PDE2A: variants seen among roughly 807,000 people sequenced by gnomAD.
PDE2A encodes cGMP-dependent 3',5'-cyclic phosphodiesterase.
Under a neutral mutation model 133.6 loss-of-function variants are expected in PDE2A, and 53 were observed. The ratio of observed to expected loss-of-function variants is 0.40; its 90% confidence interval spans 0.32 to 0.50. The LOEUF (loss-of-function observed/expected upper bound fraction) is 0.50. Ranked by LOEUF, PDE2A falls within the 20% of genes least tolerant of loss-of-function variation. The pLI is 0.73. For synonymous variants in PDE2A, 491 were observed against 490.2 expected (o/e 1.00, Z -0.02); for missense variants, 796 against 1,232.4 (o/e 0.65, Z 5.30).
intron 6 of PDE2A, among the ~76,000 whole-genome samples, chr11:72,595,655 C>A (rs1214285250): frequency 6.6e-6 from 1 of 152,136 alleles, no homozygotes; most frequent in Non-Finnish European, 1.5e-5. Flanking sequence ...GGAACCAACA[C>A]CTGCTCATTT....
At chr11:72,623,882 C>A (rs908226576) in intron 2 of PDE2A, among the ~76,000 whole-genome samples, 1 of 152,188 alleles carries the variant, frequency 6.6e-6, no homozygotes, top group East Asian at 1.9e-4. Flanking sequence ...GCTGCAGGAG[C>A]CTCCAGTTGC....
rs747195789 is a variant in PDE2A, at chr11:72,671,144, G to A, written c.71+2993C>T. Among the ~76,000 whole-genome samples, 5 of 152,138 alleles carry A rather than the reference G, an allele frequency of 3.3e-5. 1 individual carries two copies. The East Asian group carries it at 7.7e-4, about 24-fold the overall frequency. ...TCCTCTGAAGCCCAGGCTTGCTGTGGGCCCCCCACCTCCTACACAGCACTG... is the reference window on the plus strand; with the variant it reads ...TCCTCTGAAGCCCAGGCTTGCTGTGAGCCCCCCACCTCCTACACAGCACTG... On this transcript the variant is annotated intron_variant, in intron 1 of 30. Transcript: ENST00000334456.
chr11:72,662,762 G>T (rs1855105117), intron 1 of PDE2A, among the ~76,000 whole-genome samples: 1 of 152,100 alleles, frequency 6.6e-6, no homozygotes, highest in African/African-American at 2.4e-5. Context: ...ACATGTCCTT[G>T]GCCAACCGCA....
intron 2 of PDE2A, among the ~76,000 whole-genome samples, chr11:72,611,639 G>C (rs1857217093): frequency 6.6e-6 from 1 of 152,166 alleles, no homozygotes; most frequent in Non-Finnish European, 1.5e-5. Context: ...CTTCCCATCT[G>C]TGCTAGAGCG....
At position 72,597,629 on chromosome 11, in the gene PDE2A, G is replaced by T. The variant is rs766901730; in HGVS notation, c.324-10C>A. On this transcript the variant is annotated splice_polypyrimidine_tract_variant and intron_variant, in intron 4 of 30. Transcript: ENST00000334456. This position sits in a 1 kb window ranked among gnomAD's most constrained non-coding sequence, Gnocchi z 4.6. ...GGAGATGATAGCCTCCCTGAAAAGA[G>T]GACATGATGCCACCTTGAGAGCCCC... The T allele has an allele frequency of 1.9e-6, 3 of 1,589,032 alleles. No individual in the cohort carries two copies. In the South Asian group the frequency reaches 3.3e-5, roughly 18 times the overall value.
chr11:72,668,397 TG>T (rs1306793982), intron 1 of PDE2A: 1 of 718,554 alleles, frequency 1.4e-6, no homozygotes, highest in Non-Finnish European at 2.6e-6. Flanking sequence ...ATCACAGGTG[TG>T]GAAACAGTGC....
At chr11:72,625,764 C>T (rs913177804) in intron 2 of PDE2A, among the ~76,000 whole-genome samples, 7 of 152,238 alleles carry the variant, frequency 4.6e-5, no homozygotes, top group Non-Finnish European at 1.0e-4. Context: ...ACACCCTTCC[C>T]TCCTAGCCCC....
chr11:72,579,425 C>T (rs1395021715), intron 26 of PDE2A, 42 bp from the exon 27 acceptor site: 1 of 1,577,724 alleles, frequency 6.3e-7, no homozygotes, highest in Admixed American at 1.7e-5. Flanking sequence ...TACTGGACAC[C>T]CCCACCCATT....
At chr11:72,611,051 G>A (rs1857191645) in intron 2 of PDE2A, among the ~76,000 whole-genome samples, 2 of 152,240 alleles carry the variant, frequency 1.3e-5, no homozygotes, top group Non-Finnish European at 1.5e-5. Context: ...AGAAGGTGGT[G>A]TTGGTTTGTG....
At chr11:72,605,479 T>G (rs1276802139) in intron 3 of PDE2A, among the ~76,000 whole-genome samples, 1 of 152,160 alleles carries the variant, frequency 6.6e-6, no homozygotes, top group African/African-American at 2.4e-5. Flanking sequence ...ACCTATGACC[T>G]TTTTTACCAC....
rs763822102 is a variant in PDE2A at position 72,590,473 on chromosome 11, G to T, written c.657C>A (p.Gly219=). 6.5e-7 allele frequency: 1 copy of T among 1,539,102 alleles called. No individual in the cohort carries two copies. Among genetic ancestry groups the T allele is most frequent in the East Asian group, 2.3e-5 (1 of 43,064 alleles). Residue 219 remains glycine (G), a synonymous_variant, in exon 8 of 31, where the codon GGC becomes GGA. Transcript: ENST00000334456. This position sits in a 1 kb window ranked among gnomAD's most constrained non-coding sequence, Gnocchi z 4.8. ...PPEGTAEDQK[G]GAAYTDRDRK... ...GGTCGCGGTCGGTGTACGCCGCCCC[G>T]CCCTTCTGGTCTTCCGCCGTCCCCT... is the stretch of plus-strand genomic sequence containing the variant.
In PDE2A at chr11:72,581,346, C is replaced by T. The variant is rs1479196558; in HGVS notation, c.2045+11G>A. 8 of 1,612,532 alleles carry T rather than the reference C, an allele frequency of 5.0e-6. No homozygotes were observed. The East Asian group carries it at 1.8e-4, about 36-fold the overall frequency. On this transcript the variant is annotated intron_variant, in intron 23 of 30. Coordinates refer to ENST00000334456, the MANE Select transcript of PDE2A (RefSeq NM_002599.5). ...GTGGCTGCCAGATGTGGGGGAGATGCAGCCACTCACTCGAGGTAGTTGGTG... is the reference window on the plus strand; with the variant it reads ...GTGGCTGCCAGATGTGGGGGAGATGTAGCCACTCACTCGAGGTAGTTGGTG...
In PDE2A at chr11:72,674,168, G is replaced by A. The variant is rs748313598; in HGVS notation, c.40C>T (p.Gln14Ter). ...ACGHSILCRS[Q>*]QYPAARPAEP... ...GCCGGTCGCGCTGCCGGGTACTGCT[G>A]GCTCCTGCAGAGGATGGAGTGGCCG... Residue 14 changes from glutamine to a stop codon, truncating the protein, a stop_gained, in exon 1 of 31, where the codon CAG (glutamine) becomes TAG (stop). Transcript: ENST00000334456. LOFTEE classifies it high-confidence loss of function. The A allele has an allele frequency of 6.2e-7, 1 of 1,612,872 alleles. No individual in the cohort carries two copies. The highest frequency in any genetic ancestry group is 8.5e-7 in the Non-Finnish European group (1 of 1,179,876).
At position 72,674,274 on chromosome 11, in the gene PDE2A, G is replaced by A; in HGVS notation, c.-67C>T. On this transcript the variant is annotated 5_prime_UTR_variant, in exon 1 of 31. Coordinates refer to ENST00000334456, the MANE Select transcript of PDE2A (RefSeq NM_002599.5). ...CCTCGCCCTGTCCCCGCTGCCTGGA[G>A]TTCAGGGCAGGGCACCCCCAGCAGG... 7 of 1,508,378 alleles carry A rather than the reference G, an allele frequency of 4.6e-6. No individual in the cohort carries two copies. Among genetic ancestry groups the A allele is most frequent in the Non-Finnish European group, 5.4e-6 (6 of 1,113,348 alleles). 93.4% of individuals were successfully genotyped at this position (1,508,378 alleles called of 1,614,324 possible). A position where few individuals can be genotyped will look rare whatever the true frequency, so the allele number is the denominator to read the frequency against.
At position 72,590,673 on chromosome 11, in the gene PDE2A, T is replaced by G; in HGVS notation, c.550-93A>C. 8.4e-7 allele frequency: 1 copy of G among 1,191,414 alleles called. No homozygotes were observed. The allele number at this position is 1,191,414 out of a possible 1,614,324, so 73.8% of individuals were successfully genotyped here. A position where few individuals can be genotyped will look rare whatever the true frequency, so the allele number is the denominator to read the frequency against. Reference sequence around the variant, plus strand: ...CTGCCTTTGCTCCCGCCGTTCCCTCTGCCTGCCGGGCCCAGGGACCCCGCC... The same window carrying G: ...CTGCCTTTGCTCCCGCCGTTCCCTCGGCCTGCCGGGCCCAGGGACCCCGCC... On this transcript the variant is annotated intron_variant, in intron 7 of 30. Coordinates refer to ENST00000334456, the MANE Select transcript of PDE2A (RefSeq NM_002599.5). This position sits in a 1 kb window ranked among gnomAD's most constrained non-coding sequence, Gnocchi z 4.8.
At chr11:72,588,041 C>G (rs1294930691) in intron 13 of PDE2A, 1 of 152,322 alleles carries the variant, frequency 6.6e-6, no homozygotes. Flanking sequence ...AGCCCCTCAT[C>G]TGTCTACTTC....
intron 1 of PDE2A, among the ~76,000 whole-genome samples, chr11:72,666,932 C>T (rs1855251290): frequency 6.6e-6 from 1 of 152,082 alleles, no homozygotes; most frequent in African/African-American, 2.4e-5. Flanking sequence ...ATGGTGAAAC[C>T]CCATCTCTAC....
intron 18 of PDE2A, 93 bp downstream of exon 18, chr11:72,584,458 T>C (rs366711): frequency 1 from 1,413,668 of 1,418,120 alleles, 704,700 homozygotes; most frequent in East Asian, 1. Context: ...TCCGGGACGC[T>C]GGAGGCGGTG....
At position 72,630,994 on chromosome 11, in the gene PDE2A, G is replaced by C. The variant is rs1232546194; in HGVS notation, c.144+11260C>G. 4 of 1,140,844 alleles carry C rather than the reference G, an allele frequency of 3.5e-6. No individual in the cohort carries two copies. In the African/African-American group the frequency reaches 6.2e-5, roughly 18 times the overall value. The allele number at this position is 1,140,844 out of a possible 1,614,324, so 70.7% of individuals were successfully genotyped here. ...GACTCCAGCCTCCCCGTCCTCCCAA[G>C]GGGGAGGGCACCACTCAGACTGATC... On this transcript the variant is annotated intron_variant, in intron 2 of 30. Transcript: ENST00000334456.
Sources: allele counts gnomAD v4.1 joint callset (sites outside exome capture counted in the v4.1 genomes callset), GRCh38; gene constraint gnomAD v4.1.1; non-coding constraint Gnocchi (gnomAD v3.1); transcripts MANE v1.5; gene names NCBI Gene and HGNC (gene_info 2026-07-23, HGNC 2026-07-21).